RAE1: variants seen among roughly 807,000 people sequenced by gnomAD.
RAE1 encodes ribonucleic acid export 1.
RAE1 carries 13 observed loss-of-function variants against 52.7 expected under a neutral mutation model. That is an observed-to-expected ratio of 0.25 (90% confidence interval 0.16 to 0.39). The LOEUF (loss-of-function observed/expected upper bound fraction) is 0.39, where lower values mean the gene tolerates loss of function less well. Ranked by LOEUF, RAE1 falls within the 10% of genes least tolerant of loss-of-function variation. RAE1 has a pLI of 1.00. For synonymous variants in RAE1, 164 were observed against 153.1 expected, an observed-to-expected ratio of 1.07 and a Z score of -0.52; for missense variants, 262 against 459.8, an observed-to-expected ratio of 0.57 and a Z score of 3.93.
chr20:57,356,461 G>A lies in RAE1; in HGVS notation c.211G>A (p.Val71Ile), dbSNP rs567790848. 1.2e-6 allele frequency: 2 copies of A among 1,612,608 alleles called. No homozygotes were observed. Among genetic ancestry groups the A allele is most frequent in the East Asian group, 4.5e-5 (2 of 44,882 alleles). Reference protein sequence around the residue: ...SWANDVRCWEVQDSGQTIPKA... With the variant: ...SWANDVRCWEIQDSGQTIPKA... ...GTTACTACAGGTTCGCTGCTGGGAA[G>A]TTCAAGACAGTGGACAGACCATTCC... Residue 71 changes from valine to isoleucine, a missense_variant, in exon 4 of 12, where the codon GTT (valine) becomes ATT (isoleucine). Val to Ile is a conservative substitution (Grantham distance 29). Coordinates refer to ENST00000395841, the MANE Select transcript of RAE1 (RefSeq NM_003610.4).
intron 11 of RAE1, among the ~76,000 whole-genome samples, chr20:57,377,374 C>T (rs1174378532): frequency 6.6e-6 from 1 of 152,210 alleles, no homozygotes; most frequent in African/African-American, 2.4e-5. Flanking sequence ...ACTGACCTGC[C>T]TACAGCCTCC....
chr20:57,368,166 G>A (rs1249351472), intron 7 of RAE1, among the ~76,000 whole-genome samples: 1 of 152,164 alleles, frequency 6.6e-6, no homozygotes, highest in Non-Finnish European at 1.5e-5. Flanking sequence ...GATTACAGGC[G>A]TGAGCCACCA....
chr20:57,368,686 G>A lies in RAE1; in HGVS notation c.535-19G>A. On this transcript the variant is annotated intron_variant, in intron 7 of 11. Transcript: ENST00000395841. Reference sequence around the variant, plus strand: ...ACTCCTTCACCTGAAGCGCATCTCTGTTTTCTTCCATTCCCTAGATATACC... The same window carrying A: ...ACTCCTTCACCTGAAGCGCATCTCTATTTTCTTCCATTCCCTAGATATACC... 6.4e-7 allele frequency: 1 copy of A among 1,571,784 alleles called. No individual in the cohort carries two copies. The highest frequency in any genetic ancestry group is 2.2e-5 in the East Asian group (1 of 44,636).
chr20:57,367,109 C>CT lies in RAE1; in HGVS notation c.534+33dup. 3 of 1,488,994 alleles carry CT rather than the reference C, an allele frequency of 2.0e-6. No homozygotes were observed. The South Asian group carries it at 3.6e-5, about 18-fold the overall frequency. The allele number at this position is 1,488,994 out of a possible 1,614,324, so 92.2% of individuals were successfully genotyped here. A position where few individuals can be genotyped will look rare whatever the true frequency, so the allele number is the denominator to read the frequency against. ...GGGATTTCAACTTAATATGTATTTACTTTAAAAAAAAAACAAAATAAGTAT... is the reference window on the plus strand; with the variant it reads ...GGGATTTCAACTTAATATGTATTTACTTTTAAAAAAAAAACAAAATAAGTAT... On this transcript the variant is annotated intron_variant, in intron 7 of 11. Transcript: ENST00000395841.
intron 1 of RAE1, 186 bp downstream of exon 1, chr20:57,351,608 C>G (rs2066709984): frequency 1.9e-5 from 19 of 985,558 alleles, no homozygotes; most frequent in Non-Finnish European, 2.3e-5. Flanking sequence ...CACCTAGGGC[C>G]TAATCCATCG....
chr20:57,368,947 C>T, intron 8 of RAE1, 135 bp downstream of exon 8: 1 of 691,080 alleles, frequency 1.4e-6, no homozygotes, highest in Non-Finnish European at 2.5e-6. Context: ...AGGATATAAA[C>T]ACAAATACTT....
At position 57,378,000 on chromosome 20, in the gene RAE1, T is replaced by C; in HGVS notation, c.1021-13T>C. 2 of 1,569,622 alleles carry C rather than the reference T, an allele frequency of 1.3e-6. No homozygotes were observed. Among genetic ancestry groups the C allele is most frequent in the South Asian group, 1.2e-5 (1 of 86,948 alleles). ...TGAATAATAAGATCATTGGTGTTTT[T>C]TGCTCTCTTTAGGGACATGAATTTT... On this transcript the variant is annotated splice_polypyrimidine_tract_variant and intron_variant, in intron 11 of 11. Transcript: ENST00000395841.
At chr20:57,352,824 C>G (rs2066730537) in intron 1 of RAE1, among the ~76,000 whole-genome samples, 1 of 152,184 alleles carries the variant, frequency 6.6e-6, no homozygotes, top group African/African-American at 2.4e-5. Flanking sequence ...TAACCAGCAC[C>G]TGGACTGATT....
chr20:57,357,541 G>A (rs1336443550), intron 4 of RAE1: 1 of 152,174 alleles, frequency 6.6e-6, no homozygotes, highest in Non-Finnish European at 1.5e-5. Context: ...TGGTCTTAGC[G>A]GTATTGGGGT....
At chr20:57,365,892 G>A (rs551882027) in intron 5 of RAE1, among the ~76,000 whole-genome samples, 3 of 152,320 alleles carry the variant, frequency 2.0e-5, no homozygotes, top group Non-Finnish European at 2.9e-5. Flanking sequence ...AACTTTTACC[G>A]TTACTCAGGG....
At chr20:57,358,151 A>G (rs2066823464) in intron 4 of RAE1, 1 of 152,178 alleles carries the variant, frequency 6.6e-6, no homozygotes. Flanking sequence ...GGATTGGAGC[A>G]ATAATATAAA....
chr20:57,368,173 A>G (rs2066984937), intron 7 of RAE1, among the ~76,000 whole-genome samples: 1 of 152,226 alleles, frequency 6.6e-6, no homozygotes, highest in African/African-American at 2.4e-5. Context: ...GGCGTGAGCC[A>G]CCATGCCCGG....
chr20:57,356,286 T>C (rs950406248), intron 3 of RAE1, among the ~76,000 whole-genome samples, 160 bp from the exon 4 acceptor site: 6 of 152,258 alleles, frequency 3.9e-5, no homozygotes, highest in African/African-American at 1.2e-4. Context: ...AAACAGTTGC[T>C]TTCATAGATA....
Position 57,374,674 on chromosome 20 carries a change from G to T in RAE1, c.893G>T (p.Ser298Ile). 6.2e-7 allele frequency: 1 copy of T among 1,614,234 alleles called. No individual in the cohort carries two copies. ...ACTGTGGGATCTGATGGTAGATTCAGCTTCTGGGACAAAGATGCCAGAACA... is the reference window on the plus strand; with the variant it reads ...ACTGTGGGATCTGATGGTAGATTCATCTTCTGGGACAAAGATGCCAGAACA... ...LATVGSDGRF[S>I]FWDKDARTKL... Residue 298 changes from serine (S) to isoleucine (I), a missense_variant, in exon 11 of 12, where the codon AGC (serine) becomes ATC (isoleucine). Ser to Ile is a moderately radical substitution (Grantham distance 142). Transcript: ENST00000395841.
At chr20:57,352,193 A>G (rs2066720800) in intron 1 of RAE1, among the ~76,000 whole-genome samples, 1 of 152,194 alleles carries the variant, frequency 6.6e-6, no homozygotes, top group Non-Finnish European at 1.5e-5. Flanking sequence ...CAACCATTGA[A>G]AGTGTATATT....
chr20:57,368,896 T>C, intron 8 of RAE1, 84 bp downstream of exon 8: 2 of 1,134,942 alleles, frequency 1.8e-6, no homozygotes, highest in Non-Finnish European at 2.6e-6. Context: ...ACAGTTGTAC[T>C]TTGTAAAACC....
chr20:57,351,428 C>T lies in RAE1; in HGVS notation c.-8+6C>T, dbSNP rs1301982655. Reference sequence around the variant, plus strand: ...CGCCGGGGCGAGACCCCCAGGTAGGCCCCGTGCCGCGCGCGTCCCGTCGTT... The same window carrying T: ...CGCCGGGGCGAGACCCCCAGGTAGGTCCCGTGCCGCGCGCGTCCCGTCGTT... On this transcript the variant is annotated splice_donor_region_variant and intron_variant, in intron 1 of 11. Coordinates refer to ENST00000395841, the MANE Select transcript of RAE1 (RefSeq NM_003610.4). The T allele has an allele frequency of 1.0e-6, 1 of 985,510 alleles. No homozygotes were observed. Among genetic ancestry groups the T allele is most frequent in the Non-Finnish European group, 1.2e-6 (1 of 829,978 alleles). 61.0% of individuals were successfully genotyped at this position (985,510 alleles called of 1,614,324 possible). A position where few individuals can be genotyped will look rare whatever the true frequency, so the allele number is the denominator to read the frequency against.
chr20:57,367,421 T>C (rs1031646557), intron 7 of RAE1, among the ~76,000 whole-genome samples: 1 of 152,134 alleles, frequency 6.6e-6, no homozygotes, highest in Non-Finnish European at 1.5e-5. Context: ...ACCAGGTCTT[T>C]GGGGACTGTT....
intron 10 of RAE1, among the ~76,000 whole-genome samples, chr20:57,374,399 G>A (rs1170308518): frequency 2.0e-5 from 3 of 152,182 alleles, no homozygotes; most frequent in African/African-American, 7.2e-5. Flanking sequence ...TTTCTCTGGT[G>A]TGCAGCCCTC....
Sources: allele counts gnomAD v4.1 joint callset (sites outside exome capture counted in the v4.1 genomes callset), GRCh38; gene constraint gnomAD v4.1.1; transcripts MANE v1.5; gene names NCBI Gene and HGNC (gene_info 2026-07-23, HGNC 2026-07-21).